Variants in ADGRL2 observed in about 807,000 individuals in gnomAD.
ADGRL2 encodes the protein calcium-independent alpha-latrotoxin receptor 2.
In ADGRL2, 44 loss-of-function variants were observed where a neutral mutation model predicts 157.4. The ratio of observed to expected loss-of-function variants is 0.28; its 90% CI spans 0.22 to 0.36. The LOEUF (loss-of-function observed/expected upper bound fraction) is 0.36. ADGRL2 is among the 10% of genes least tolerant of loss of function. The pLI, the probability that ADGRL2 is intolerant of heterozygous loss-of-function variation, is 1.00. For missense variants in ADGRL2, 1,510 were observed against 1,768.9 expected, an observed-to-expected ratio of 0.85 and a Z score of 2.63; for synonymous variants, 585 against 624.7, an observed-to-expected ratio of 0.94 and a Z score of 0.95.
intron 2 of ADGRL2, chr1:81,503,330 T>C: frequency 6.2e-7 from 1 of 1,614,144 alleles, no homozygotes; most frequent in Non-Finnish European, 8.5e-7. Flanking sequence ...CAGAAGCCTG[T>C]GGTCCACCTC....
At chr1:81,541,109 T>C (rs915213520) in intron 2 of ADGRL2, among the ~76,000 whole-genome samples, 3 of 152,184 alleles carry the variant, frequency 2.0e-5, no homozygotes, top group Admixed American at 6.5e-5. Flanking sequence ...AGCTAACAAG[T>C]AGGAAACCAT....
chr1:81,358,871 T>C lies in ADGRL2; in HGVS notation c.-302+52362T>C, dbSNP rs564402996. Among the ~76,000 whole-genome samples the C allele has an allele frequency of 2.6e-5, 4 of 151,450 alleles. No homozygotes were observed. In the East Asian group the frequency reaches 7.8e-4, roughly 30 times the overall value. On this transcript the variant is annotated intron_variant, in intron 1 of 24. Coordinates refer to the ADGRL2 transcript ENST00000370721. ...TCTATACAGAAGAATTACCTGGTGG[T>C]AGGAGAGAGATCTACTCCGTAGGAT... is the stretch of plus-strand genomic sequence containing the variant.
chr1:81,655,051 C>A (rs373330030), intron 3 of ADGRL2, among the ~76,000 whole-genome samples: 7 of 152,286 alleles, frequency 4.6e-5, no homozygotes, highest in Admixed American at 2.6e-4. Flanking sequence ...CAGGTTCAAG[C>A]CTCGCCCCCC....
intron 1 of ADGRL2, among the ~76,000 whole-genome samples, chr1:81,391,821 A>G (rs2076564821): frequency 6.6e-6 from 1 of 152,228 alleles, no homozygotes; most frequent in Non-Finnish European, 1.5e-5. Context: ...TCTAGGCACA[A>G]GTATGTCACT....
chr1:81,891,780 C>T (rs1164195953), intron 2 of ADGRL2, among the ~76,000 whole-genome samples: 1 of 151,858 alleles, frequency 6.6e-6, no homozygotes, highest in Non-Finnish European at 1.5e-5. Context: ...ATTTATCTGT[C>T]TTTTGGTGGT....
At chr1:81,736,588 C>T (rs191025042) in intron 1 of ADGRL2, among the ~76,000 whole-genome samples, 9 of 152,228 alleles carry the variant, frequency 5.9e-5, no homozygotes, top group African/African-American at 2.2e-4. Flanking sequence ...ACATAAGAGG[C>T]CAATTTCAGT....
At chr1:81,601,960 C>T (rs2081340409) in intron 3 of ADGRL2, among the ~76,000 whole-genome samples, 1 of 152,124 alleles carries the variant, frequency 6.6e-6, no homozygotes, top group Non-Finnish European at 1.5e-5. Flanking sequence ...GAAAAGAGAG[C>T]TTCTGCAATA....
At chr1:81,856,206 A>G (rs1166204497) in intron 2 of ADGRL2, among the ~76,000 whole-genome samples, 1 of 151,862 alleles carries the variant, frequency 6.6e-6, no homozygotes. Context: ...CTTCTGCCTA[A>G]TAGCAACTAG....
At chr1:81,760,552 T>C (rs2085842138) in intron 1 of ADGRL2, among the ~76,000 whole-genome samples, 1 of 152,042 alleles carries the variant, frequency 6.6e-6, no homozygotes, top group Admixed American at 6.6e-5. Flanking sequence ...CTGCCTAAAC[T>C]TTCTGCTGGT....
upstream of ADGRL2, among the ~76,000 whole-genome samples, chr1:81,696,859 T>C (rs987567832): frequency 6.6e-6 from 1 of 152,110 alleles, no homozygotes; most frequent in African/African-American, 2.4e-5. Context: ...AACAAACCAA[T>C]GAGTTTGATA....
chr1:81,973,407 C>T (rs1443780540), intron 17 of ADGRL2, among the ~76,000 whole-genome samples: 1 of 152,152 alleles, frequency 6.6e-6, no homozygotes. Context: ...TTCCATTTTC[C>T]TCTAAGACCT....
At chr1:81,312,923 C>T (rs1187024044) in intron 1 of ADGRL2, among the ~76,000 whole-genome samples, 1 of 152,118 alleles carries the variant, frequency 6.6e-6, no homozygotes, top group African/African-American at 2.4e-5. Flanking sequence ...TTCAGACAGA[C>T]AGACCTAAGT....
At chr1:81,802,281 T>A (rs923210359) in intron 1 of ADGRL2, among the ~76,000 whole-genome samples, 10 of 151,936 alleles carry the variant, frequency 6.6e-5, no homozygotes, top group African/African-American at 2.2e-4. Flanking sequence ...TTCGGAGACC[T>A]GTTTGCTTTG....
intron 3 of ADGRL2, among the ~76,000 whole-genome samples, chr1:81,595,180 A>G (rs2081207794): frequency 6.6e-6 from 1 of 152,210 alleles, no homozygotes; most frequent in African/African-American, 2.4e-5. Context: ...GGGGATGGGA[A>G]GTAACCTCCT....
At chr1:81,710,970 T>C (rs2083908276) in intron 1 of ADGRL2, among the ~76,000 whole-genome samples, 1 of 152,168 alleles carries the variant, frequency 6.6e-6, no homozygotes, top group Admixed American at 6.6e-5. Context: ...TTAACCAATA[T>C]ACTACATGCA....
At position 81,473,849 on chromosome 1, in the gene ADGRL2, C is replaced by T. The variant is rs149917039; in HGVS notation, c.-248+28760C>T. On this transcript the variant is annotated intron_variant, in intron 2 of 24. Coordinates refer to the ADGRL2 transcript ENST00000370721. The stretch of plus-strand genomic sequence containing the variant: ...CATTTGTTTAGATGTAGATACAGAG[C>T]TGAAGAGGAGACTGACACCTCATAC... Among the ~76,000 whole-genome samples, 6 of 152,166 alleles carry T rather than the reference C, an allele frequency of 3.9e-5. No homozygotes were observed. In the East Asian group the frequency reaches 1.2e-3, roughly 29 times the overall value.
At chr1:81,309,417 A>G (rs569324012) in intron 1 of ADGRL2, among the ~76,000 whole-genome samples, 7 of 152,284 alleles carry the variant, frequency 4.6e-5, no homozygotes, top group Admixed American at 1.3e-4. Flanking sequence ...CCAAGGCCAC[A>G]CAGTTGGGAC....
At chr1:81,973,273 T>A (rs1225192773) in intron 17 of ADGRL2, among the ~76,000 whole-genome samples, 1 of 152,202 alleles carries the variant, frequency 6.6e-6, no homozygotes, top group African/African-American at 2.4e-5. Flanking sequence ...TGATTTCTCA[T>A]CAGAATTATT....
chr1:81,592,437 C>T (rs1242009468), intron 3 of ADGRL2, among the ~76,000 whole-genome samples: 1 of 152,154 alleles, frequency 6.6e-6, no homozygotes, highest in East Asian at 1.9e-4. Flanking sequence ...TTAACAATTT[C>T]CCTGCTATAT....
Sources: allele counts gnomAD v4.1 joint callset (sites outside exome capture counted in the v4.1 genomes callset), GRCh38; gene constraint gnomAD v4.1.1; transcripts MANE v1.5; gene names NCBI Gene and HGNC (gene_info 2026-07-23, HGNC 2026-07-21).